GBP3: variants seen among roughly 807,000 people sequenced by gnomAD.
GBP3 encodes guanylate binding protein 3.
GBP3 carries 55 observed loss-of-function variants against 62.4 expected under a neutral mutation model. That is an observed-to-expected ratio of 0.88 (90% CI 0.71 to 1.10). The LOEUF (loss-of-function observed/expected upper bound fraction) is 1.10, where lower values mean the gene tolerates loss of function less well. Ranked by LOEUF, GBP3 falls within the 50% of genes least tolerant of loss-of-function variation. GBP3 has a pLI of 0.00. For synonymous variants in GBP3, 208 were observed against 259.2 expected, an observed-to-expected ratio of 0.80 and a Z score of 1.90; for missense variants, 605 against 690.6, an observed-to-expected ratio of 0.88 and a Z score of 1.39.
In GBP3 at chr1:89,011,194, T is replaced by C; in HGVS notation, c.1150-78A>G. 2.1e-6 allele frequency: 3 copies of C among 1,437,352 alleles called. 1 individual carries two copies. In the South Asian group the frequency reaches 3.6e-5, roughly 17 times the overall value. The allele number at this position is 1,437,352 out of a possible 1,614,324, so 89.0% of individuals were successfully genotyped here. A position where few individuals can be genotyped will look rare whatever the true frequency, so the allele number is the denominator to read the frequency against. On this transcript the variant is annotated intron_variant, in intron 7 of 10. Transcript: ENST00000370481. The stretch of plus-strand genomic sequence containing the variant: ...TGACCTCAGAATTTTGGGAAAGACT[T>C]CCGAAAATAAACAGTCAATGATGCC...
intron 1 of GBP3, among the ~76,000 whole-genome samples, chr1:89,021,506 G>GCA (rs1375981072): frequency 8.5e-5 from 5 of 58,942 alleles, no homozygotes; most frequent in African/African-American, 2.9e-4. Flanking sequence ...GCATGCGCGC[G>GCA]CGCGCACACA....
Position 89,013,323 on chromosome 1 carries a change from T to A in GBP3, c.730A>T (p.Lys244Ter), listed in dbSNP as rs1436093753. Residue 244 changes from lysine to a stop codon, truncating the protein, a stop_gained, in exon 6 of 11, where the codon AAG (lysine) becomes TAG (stop). Transcript: ENST00000370481. LOFTEE classifies it high-confidence loss of function. ...TGTAGTTTCTCAAGCTGGGCAAGCT[T>A]CCTGCGGTGAATGGGCAGATCGAAG... ...FVFDLPIHRRKLAQLEKLQDE... is the reference protein window; with the variant it reads ...FVFDLPIHRR The A allele has an allele frequency of 1.9e-6, 3 of 1,614,196 alleles. No individual in the cohort carries two copies. The East Asian group carries it at 6.7e-5, about 36-fold the overall frequency.
chr1:89,021,502 G>GCA (rs1557734494), intron 1 of GBP3, among the ~76,000 whole-genome samples: 1 of 72,042 alleles, frequency 1.4e-5, no homozygotes, highest in Non-Finnish European at 3.0e-5. Context: ...ACACGCATGC[G>GCA]CGCGCGCGCA....
At chr1:89,014,783 C>T in intron 3 of GBP3, 127 bp from the exon 4 acceptor site, 1 of 1,135,720 alleles carries the variant, frequency 8.8e-7, no homozygotes, top group Middle Eastern at 2.9e-4. Flanking sequence ...TGAAAAGAAC[C>T]CAAATCCAAA....
chr1:89,008,875 A>T (rs748892311), intron 10 of GBP3, 72 bp downstream of exon 10: 1 of 1,609,942 alleles, frequency 6.2e-7, no homozygotes, highest in Non-Finnish European at 8.5e-7. Flanking sequence ...TCGCTCTGCC[A>T]TACTAAGTTT....
Position 89,007,034 on chromosome 1 carries a change from G to A in GBP3, c.*690C>T, listed in dbSNP as rs1678251703. 1 of 152,330 alleles carries A rather than the reference G, an allele frequency of 6.6e-6. No individual in the cohort carries two copies. Among genetic ancestry groups the A allele is most frequent in the Middle Eastern group, 3.4e-3 (1 of 294 alleles). 9.4% of individuals were successfully genotyped at this position (152,330 alleles called of 1,614,324 possible). On this transcript the variant is annotated 3_prime_UTR_variant, in exon 11 of 11. Transcript: ENST00000370481. ...TACTAAAATTACACAGTGCATAATT[G>A]TTACCATGTGACTATTTAATTCAGG...
At chr1:89,013,778 A>T (rs1013897217) in intron 5 of GBP3, 1 of 418,366 alleles carries the variant, frequency 2.4e-6, no homozygotes, top group Non-Finnish European at 4.2e-6. Context: ...AACCCTACAT[A>T]AGGAGATAAA....
At position 89,020,543 on chromosome 1, in the gene GBP3, C is replaced by T; in HGVS notation, c.179G>A (p.Gly60Glu). 1.2e-6 allele frequency: 2 copies of T among 1,614,140 alleles called. No individual in the cohort carries two copies. The highest frequency in any genetic ancestry group is 2.2e-5 in the South Asian group (2 of 91,090). ...GKSYLMNKLA[G>E]KNKGFSLGST... ...CTCATGCCACTCACCCTTATTCTTC[C>T]CAGCTAGCTTGTTCATCAGGTAGGA... The change falls in exon 2 of 11, where the codon GGG becomes GAG. Residue 60 changes from glycine (G) to glutamate (E), a missense_variant. Around this residue, in one of 3 missense-constraint regions of GBP3, gnomAD observed 308 missense variants for 318.0 expected, o/e 0.97. Transcript: ENST00000370481.
Position 89,020,729 on chromosome 1 carries a change from G to A in GBP3, c.-8C>T. ...GTGGATCTCTGGAGCCATGTCCAGGGCATTGTTCTCTTGTCTGCAAGGGAA... is the reference window on the plus strand; with the variant it reads ...GTGGATCTCTGGAGCCATGTCCAGGACATTGTTCTCTTGTCTGCAAGGGAA... On this transcript the variant is annotated 5_prime_UTR_variant, in exon 2 of 11. Coordinates refer to ENST00000370481, the MANE Select transcript of GBP3 (RefSeq NM_018284.3). The A allele has an allele frequency of 1.2e-6, 2 of 1,612,218 alleles. No homozygotes were observed. Among genetic ancestry groups the A allele is most frequent in the Non-Finnish European group, 8.5e-7 (1 of 1,178,474 alleles).
chr1:89,020,782 C>G, intron 1 of GBP3, 39 bp from the exon 2 acceptor site: 2 of 1,561,678 alleles, frequency 1.3e-6, no homozygotes, highest in Admixed American at 1.8e-5. Flanking sequence ...AATTTCCAGT[C>G]TTTTGCATTT....
In GBP3 at chr1:89,009,480, C is replaced by T; in HGVS notation, c.1377G>A (p.Leu459=). Residue 459 remains leucine (L), a synonymous_variant, in exon 9 of 11, where the codon CTG becomes CTA. Coordinates refer to ENST00000370481, the MANE Select transcript of GBP3 (RefSeq NM_018284.3). ...ACTCCTTGGATTTCAAGTATGTCTG[C>T]AGAATCTCTTCAGCCTTAGGACCCA... The part of the protein sequence containing the change: ...PRKGIQAEEI[L]QTYLKSKESV... 6.2e-7 allele frequency: 1 copy of T among 1,614,112 alleles called. No homozygotes were observed. Among genetic ancestry groups the T allele is most frequent in the South Asian group, 1.1e-5 (1 of 91,068 alleles).
At chr1:89,010,326 T>C (rs1678486592) in intron 8 of GBP3, among the ~76,000 whole-genome samples, 1 of 137,562 alleles carries the variant, frequency 7.3e-6, no homozygotes, top group East Asian at 2.1e-4. Flanking sequence ...TTCACCATGT[T>C]GGCCAGGATG....
chr1:89,019,831 G>T (rs567994606), intron 2 of GBP3, among the ~76,000 whole-genome samples: 1 of 152,294 alleles, frequency 6.6e-6, no homozygotes, highest in Non-Finnish European at 1.5e-5. Flanking sequence ...GGTAGTGATG[G>T]TTGCACAACA....
chr1:89,018,662 T>C (rs923629721), intron 2 of GBP3, among the ~76,000 whole-genome samples: 30 of 152,212 alleles, frequency 2.0e-4, no homozygotes, highest in Non-Finnish European at 1.5e-4. Flanking sequence ...CTCTGTATAC[T>C]GTACTTCTGC....
chr1:89,015,184 A>G (rs1678818730), intron 3 of GBP3, 103 bp downstream of exon 3: 1 of 1,223,924 alleles, frequency 8.2e-7, no homozygotes, highest in Admixed American at 2.4e-5. Context: ...ATGAAAAGAC[A>G]AATTATAGTT....
At chr1:89,009,302 C>T in intron 9 of GBP3, 90 bp downstream of exon 9, 2 of 1,451,510 alleles carry the variant, frequency 1.4e-6, no homozygotes, top group Non-Finnish European at 9.4e-7. Context: ...TAGGTTTATC[C>T]AGTCAAATTA....
intron 4 of GBP3, 54 bp downstream of exon 4, chr1:89,014,493 T>C (rs1299102495): frequency 6.2e-7 from 1 of 1,614,086 alleles, no homozygotes; most frequent in Non-Finnish European, 8.5e-7. Context: ...AGCTGGTTTA[T>C]GAATACAGGT....
intron 9 of GBP3, 37 bp from the exon 10 acceptor site, chr1:89,009,177 T>C (rs770939504): frequency 2.5e-6 from 4 of 1,598,528 alleles, no homozygotes; most frequent in African/African-American, 2.7e-5. Context: ...TGGAGTTATC[T>C]TGTTGCCTCA....
In GBP3 at chr1:89,009,132, C is replaced by T; in HGVS notation, c.1474G>A (p.Val492Ile). The change falls in exon 10 of 11, where the codon GTA becomes ATA. Residue 492 changes from valine to isoleucine, a missense_variant. Physicochemically the swap from Val to Ile is conservative, Grantham distance 29 (BLOSUM62 3). Coordinates refer to ENST00000370481, the MANE Select transcript of GBP3 (RefSeq NM_018284.3). ...GAAGCCTGTGCAGATTCAGCTTTTA[C>T]ACATTCCACTGTGGAGGAAGAAGAA... Reference protein sequence around the residue: ...EKEKEIEVECVKAESAQASAK... With the variant: ...EKEKEIEVECIKAESAQASAK... The T allele has an allele frequency of 6.2e-7, 1 of 1,613,876 alleles. No homozygotes were observed. Among genetic ancestry groups the T allele is most frequent in the Non-Finnish European group, 8.5e-7 (1 of 1,179,872 alleles).
Sources: allele counts gnomAD v4.1 joint callset (sites outside exome capture counted in the v4.1 genomes callset), GRCh38; gene constraint gnomAD v4.1.1; regional missense constraint gnomAD v4.1.1; transcripts MANE v1.5; gene names NCBI Gene and HGNC (gene_info 2026-07-23, HGNC 2026-07-21).